KAT8: variants seen among roughly 807,000 people sequenced by gnomAD.
The protein encoded by KAT8 is lysine acetyltransferase 8, also known as histone acetyltransferase KAT8.
KAT8 carries 40 observed loss-of-function variants against 62.9 expected under a neutral mutation model. The observed-to-expected ratio is 0.64, with a 90% CI of 0.49 to 0.83. The LOEUF (loss-of-function observed/expected upper bound fraction) is 0.83, where lower values mean the gene tolerates loss of function less well. Ranked by LOEUF, KAT8 falls within the 40% of genes least tolerant of loss-of-function variation. KAT8 has a pLI of 0.00. For missense variants in KAT8, 387 were observed against 614.8 expected (o/e 0.63, Z 3.92); for synonymous variants, 278 against 254.5 (o/e 1.09, Z -0.88).
At position 31,131,290 on chromosome 16, in the gene KAT8, C is replaced by A; in HGVS notation, c.*31C>A. ...CTGGCCCCTGCTGTCGGACCTGAGC[C>A]TCCTGGCTCCCAGCCTGTAAATATG... is the stretch of plus-strand genomic sequence containing the variant. On this transcript the variant is annotated 3_prime_UTR_variant, in exon 11 of 11. Coordinates refer to ENST00000219797, the MANE Select transcript of KAT8 (RefSeq NM_032188.3). 6.2e-7 allele frequency: 1 copy of A among 1,613,378 alleles called. No homozygotes were observed. The highest frequency in any genetic ancestry group is 8.5e-7 in the Non-Finnish European group (1 of 1,179,592).
chr16:31,127,142 G>T (rs943599787), intron 4 of KAT8, 47 bp from the exon 5 acceptor site: 2 of 1,609,570 alleles, frequency 1.2e-6, no homozygotes, highest in Non-Finnish European at 1.7e-6. Context: ...TTGCCGAGGA[G>T]CCCCTGCTGA....
At chr16:31,127,728 G>A (rs2057543415) in intron 5 of KAT8, among the ~76,000 whole-genome samples, 1 of 152,232 alleles carries the variant, frequency 6.6e-6, no homozygotes, top group African/African-American at 2.4e-5. Context: ...GACACAGTGG[G>A]CTGCTTCCCG....
chr16:31,129,917 C>T lies in KAT8; in HGVS notation c.772-100C>T, dbSNP rs901617712. 29 of 1,334,212 alleles carry T rather than the reference C, an allele frequency of 2.2e-5. No homozygotes were observed. The Admixed American group carries it at 2.5e-4, about 12-fold the overall frequency. The allele number at this position is 1,334,212 out of a possible 1,614,324, so 82.6% of individuals were successfully genotyped here. On this transcript the variant is annotated intron_variant, in intron 6 of 10. Transcript: ENST00000219797. ...CCAGTGTGAAATCCTTCTGGCCTGG[C>T]GAGGCGCCCACTTCGCGTGGGCTGG...
intron 9 of KAT8, 44 bp from the exon 10 acceptor site, chr16:31,130,702 A>C: frequency 3.7e-6 from 6 of 1,612,228 alleles, no homozygotes; most frequent in Non-Finnish European, 5.1e-6. Context: ...GCCAGATCCC[A>C]CAAGGGCACC....
intron 3 of KAT8, chr16:31,126,571 G>A (rs970798272): frequency 7.6e-5 from 13 of 171,318 alleles, no homozygotes; most frequent in Admixed American, 2.3e-4. Context: ...TCTTGAGTCC[G>A]CTGTCCCTGT....
chr16:31,130,148 C>A lies in KAT8; in HGVS notation c.903C>A (p.Tyr301Ter), dbSNP rs2057564442. 2.0e-6 allele frequency: 3 copies of A among 1,498,926 alleles called. No homozygotes were observed. The highest frequency in any genetic ancestry group is 2.7e-6 in the Non-Finnish European group (3 of 1,108,014). The allele number at this position is 1,498,926 out of a possible 1,614,324, so 92.9% of individuals were successfully genotyped here. A position where few individuals can be genotyped will look rare whatever the true frequency, so the allele number is the denominator to read the frequency against. The change falls in exon 7 of 11, where the codon TAC becomes TAA. Residue 301 changes from tyrosine to a stop codon, truncating the protein, a stop_gained. Transcript: ENST00000219797. LOFTEE classifies it high-confidence loss of function. ...GGCAGGGGGCCCACATTGTTGGCTA[C>A]TTCTCCAAGGTGCTGGGTCTGGAAA... ...VDRQGAHIVG[Y>*]FSKEKESPDG... is the part of the protein sequence containing the mutation.
At chr16:31,124,534 C>A (rs915469232) in intron 3 of KAT8, among the ~76,000 whole-genome samples, 4 of 151,958 alleles carry the variant, frequency 2.6e-5, no homozygotes, top group Non-Finnish European at 5.9e-5. Flanking sequence ...GAGTTGGAGG[C>A]CAGCATGGCC....
intron 5 of KAT8, 51 bp downstream of exon 5, chr16:31,127,404 G>A: frequency 6.2e-7 from 1 of 1,601,804 alleles, no homozygotes; most frequent in Non-Finnish European, 8.5e-7. Flanking sequence ...GTGAGAGGCA[G>A]AGGCAGGCAT....
rs990980146 is a variant in KAT8 at position 31,118,012 on chromosome 16, G to A, written c.211+120G>A. 23 of 766,624 alleles carry A rather than the reference G, an allele frequency of 3.0e-5. No homozygotes were observed. The Admixed American group carries it at 9.1e-4, about 30-fold the overall frequency. 47.5% of individuals were successfully genotyped at this position (766,624 alleles called of 1,614,324 possible). Reference sequence around the variant, plus strand: ...GGGGGCTGGGAGTGGAGAGGAGGAGGGGCGGGGCTTGAGGAAAGAACGCCG... The same window carrying A: ...GGGGGCTGGGAGTGGAGAGGAGGAGAGGCGGGGCTTGAGGAAAGAACGCCG... On this transcript the variant is annotated intron_variant, in intron 1 of 10. Transcript: ENST00000219797.
chr16:31,129,715 T>A lies in KAT8; in HGVS notation c.772-302T>A, dbSNP rs568676747. ...GCCTCGGAGCCTCAGTTTCACGAGCTGAAACAGAGTTAATGTCTGTGAAGA... is the reference window on the plus strand; with the variant it reads ...GCCTCGGAGCCTCAGTTTCACGAGCAGAAACAGAGTTAATGTCTGTGAAGA... On this transcript the variant is annotated intron_variant, in intron 6 of 10. Transcript: ENST00000219797. Among the ~76,000 whole-genome samples the A allele has an allele frequency of 2.0e-5, 3 of 152,312 alleles. No homozygotes were observed. In the South Asian group the frequency reaches 6.2e-4, roughly 32 times the overall value.
chr16:31,121,134 T>G (rs571230406), intron 3 of KAT8: 8 of 151,184 alleles, frequency 5.3e-5, no homozygotes, highest in South Asian at 2.1e-4. Flanking sequence ...TTTGTTTTTT[T>G]TTTTGAGACG....
chr16:31,127,234 G>A lies in KAT8; in HGVS notation c.562G>A (p.Glu188Lys). 6.2e-7 allele frequency: 1 copy of A among 1,614,256 alleles called. No individual in the cohort carries two copies. Among genetic ancestry groups the A allele is most frequent in the Non-Finnish European group, 8.5e-7 (1 of 1,180,046 alleles). Residue 188 changes from glutamate (E) to lysine (K), a missense_variant, in exon 5 of 11, where the codon GAA becomes AAA. By Grantham distance (56) the Glu-to-Lys change is moderately conservative. This residue lies in a region of KAT8 where 141 missense variants were observed against 222.5 expected (regional missense o/e 0.63). Coordinates refer to ENST00000219797, the MANE Select transcript of KAT8 (RefSeq NM_032188.3). ...YVDKIHIGNY[E>K]IDAWYFSPFP... is the part of the protein sequence containing the mutation. ...GGACAAGATCCACATCGGGAACTAC[G>A]AAATTGATGCCTGGTATTTCTCACC...
rs768364193 is a variant in KAT8, at chr16:31,128,140, G to A, written c.771+1G>A. 1.9e-6 allele frequency: 3 copies of A among 1,613,054 alleles called. No individual in the cohort carries two copies. The highest frequency in any genetic ancestry group is 2.2e-5 in the East Asian group (1 of 44,872). ...CGAAGTTGATGGCAAAGACCATAAGGTGAGTGGGTGGCCAGGGGTTGGGAG... is the reference window on the plus strand; with the variant it reads ...CGAAGTTGATGGCAAAGACCATAAGATGAGTGGGTGGCCAGGGGTTGGGAG... On this transcript the variant is annotated splice_donor_variant, in intron 6 of 10. Coordinates refer to ENST00000219797, the MANE Select transcript of KAT8 (RefSeq NM_032188.3). LOFTEE classifies it high-confidence loss of function.
intron 5 of KAT8, 118 bp downstream of exon 5, chr16:31,127,471 G>C (rs943527759): frequency 1.9e-5 from 20 of 1,035,568 alleles, no homozygotes; most frequent in Admixed American, 2.3e-5. Flanking sequence ...CCAAAGGAGC[G>C]AGTACAGGGA....
chr16:31,118,474 A>C (rs2057467707), intron 1 of KAT8: 1 of 152,168 alleles, frequency 6.6e-6, no homozygotes, highest in Non-Finnish European at 1.5e-5. Context: ...CTTTGCTTGG[A>C]ATGCTTTTTC....
At chr16:31,125,358 C>CT (rs2057525172) in intron 3 of KAT8, among the ~76,000 whole-genome samples, 2 of 152,048 alleles carry the variant, frequency 1.3e-5, no homozygotes, top group South Asian at 4.1e-4. Context: ...AATCTCAGCA[C>CT]TTTGGGAGTG....
In KAT8 at chr16:31,130,105, T is replaced by A; in HGVS notation, c.860T>A (p.Ile287Asn). ...YFDVEPFVFYILTEVDRQGAH... is the reference protein window; with the variant it reads ...YFDVEPFVFYNLTEVDRQGAH... ...GACGTGGAGCCGTTCGTCTTTTACA[T>A]CCTGACTGAGGTGGACCGGCAGGGG... Residue 287 changes from isoleucine to asparagine, a missense_variant, in exon 7 of 11, where the codon ATC (isoleucine) becomes AAC (asparagine). By Grantham distance (149) the Ile-to-Asn change is moderately radical. Transcript: ENST00000219797. 6.2e-7 allele frequency: 1 copy of A among 1,603,100 alleles called. No individual in the cohort carries two copies. The highest frequency in any genetic ancestry group is 8.5e-7 in the Non-Finnish European group (1 of 1,176,780).
In KAT8 at chr16:31,117,779, G is replaced by C; in HGVS notation, c.98G>C (p.Gly33Ala). The C allele has an allele frequency of 1.4e-6, 2 of 1,399,232 alleles. No individual in the cohort carries two copies. The highest frequency in any genetic ancestry group is 1.9e-6 in the Non-Finnish European group (2 of 1,066,078). 86.7% of individuals were successfully genotyped at this position (1,399,232 alleles called of 1,614,324 possible). A position where few individuals can be genotyped will look rare whatever the true frequency, so the allele number is the denominator to read the frequency against. The change falls in exon 1 of 11, where the codon GGG becomes GCG. Residue 33 changes from glycine to alanine, a missense_variant. Physicochemically the swap from Gly to Ala is moderately conservative, Grantham distance 60 (BLOSUM62 0). This residue lies in a region of KAT8 where 92 missense variants were observed against 78.8 expected (regional missense o/e 1.17). Transcript: ENST00000219797. ...PGPGENAAAE[G>A]TAPSPGRVSP... ...CCCGGGGAGAATGCGGCCGCTGAGG[G>C]GACCGCCCCATCCCCGGGCCGCGTC...
intron 6 of KAT8, among the ~76,000 whole-genome samples, chr16:31,128,751 G>A (rs768818820): frequency 6.6e-5 from 10 of 152,362 alleles, no homozygotes; most frequent in East Asian, 5.8e-4. Flanking sequence ...GGAAAGAAAG[G>A]TGTTTGTTTT....
Sources: allele counts gnomAD v4.1 joint callset (sites outside exome capture counted in the v4.1 genomes callset), GRCh38; gene constraint gnomAD v4.1.1; regional missense constraint gnomAD v4.1.1; transcripts MANE v1.5; gene names NCBI Gene and HGNC (gene_info 2026-07-23, HGNC 2026-07-21).